CADM2: variants seen among roughly 807,000 people sequenced by gnomAD.
The protein encoded by CADM2 is immunoglobulin superfamily member 4D.
CADM2 carries 12 observed loss-of-function variants against 49.8 expected under a neutral mutation model. The observed-to-expected ratio is 0.24, with a 90% CI of 0.15 to 0.39. CADM2 has a LOEUF of 0.39. CADM2 is among the 10% of genes least tolerant of loss of function. CADM2 has a pLI of 1.00. For missense variants in CADM2, 378 were observed against 492.3 expected (o/e 0.77, Z 2.20); for synonymous variants, 214 against 175.4 (o/e 1.22, Z -1.74).
Position 85,309,354 on chromosome 3 carries a change from G to A in CADM2, c.61+349686G>A, listed in dbSNP as rs76013930. On this transcript the variant is annotated intron_variant, in intron 1 of 9. Transcript: ENST00000383699. ...GGGTAAAGTAGTGCCACTGGGATCC[G>A]GAGGCAGGTTGTTTGGATTCAAATT... Among the ~76,000 whole-genome samples the A allele has an allele frequency of 5.4e-3, 821 of 152,184 alleles. 4 individuals are homozygous for A. The highest frequency in any genetic ancestry group is 0.019 in the African/African-American group (774 of 41,546).
intron 1 of CADM2, among the ~76,000 whole-genome samples, chr3:85,435,802 G>C (rs143698090): frequency 6.6e-6 from 1 of 151,984 alleles, no homozygotes. Context: ...TTTTTTGGCC[G>C]CATAAATGTC....
At chr3:85,139,672 G>C (rs1267919674) in intron 1 of CADM2, among the ~76,000 whole-genome samples, 1 of 152,116 alleles carries the variant, frequency 6.6e-6, no homozygotes, top group African/African-American at 2.4e-5. Flanking sequence ...AAAAAGCCAT[G>C]TAATAGAATA....
intron 8 of CADM2, among the ~76,000 whole-genome samples, chr3:85,962,232 T>A (rs1341824476): frequency 2.6e-5 from 4 of 152,028 alleles, no homozygotes; most frequent in Non-Finnish European, 5.9e-5. Flanking sequence ...TGTCTTTAAA[T>A]TCTATAAATA....
intron 1 of CADM2, among the ~76,000 whole-genome samples, chr3:85,284,779 A>G (rs2043587049): frequency 6.6e-6 from 1 of 152,062 alleles, no homozygotes; most frequent in Non-Finnish European, 1.5e-5. Flanking sequence ...AGGACCTTGT[A>G]GGCTATATAA....
chr3:85,698,397 C>A (rs2066638046), intron 1 of CADM2, among the ~76,000 whole-genome samples: 1 of 152,104 alleles, frequency 6.6e-6, no homozygotes, highest in African/African-American at 2.4e-5. Flanking sequence ...TGTTAGTCCA[C>A]TTTTTTCATT....
chr3:85,869,313 T>G (rs2075832394), intron 3 of CADM2, among the ~76,000 whole-genome samples: 1 of 152,226 alleles, frequency 6.6e-6, no homozygotes. Flanking sequence ...AAATATGGAA[T>G]AAAACTTTTT....
At chr3:85,379,522 T>G (rs2033780776) in intron 1 of CADM2, among the ~76,000 whole-genome samples, 1 of 151,980 alleles carries the variant, frequency 6.6e-6, no homozygotes, top group Non-Finnish European at 1.5e-5. Flanking sequence ...TCTTTGACTT[T>G]CATGTTCAAC....
intron 1 of CADM2, among the ~76,000 whole-genome samples, chr3:85,701,949 AAGAT>A (rs1437624276): frequency 1.3e-5 from 2 of 151,034 alleles, no homozygotes; most frequent in Admixed American, 1.3e-4. Context: ...AGAAGAAATA[AAGAT>A]AGATGTAGAT....
chr3:85,685,695 C>G (rs2066187495), intron 1 of CADM2, among the ~76,000 whole-genome samples: 1 of 144,594 alleles, frequency 6.9e-6, no homozygotes, highest in South Asian at 2.2e-4. Flanking sequence ...GTGATCTCGG[C>G]TCACTGCAAC....
At chr3:85,621,839 G>T (rs987415046) in intron 1 of CADM2, among the ~76,000 whole-genome samples, 1 of 152,164 alleles carries the variant, frequency 6.6e-6, no homozygotes, top group African/African-American at 2.4e-5. Context: ...AGACTGATGT[G>T]CAGTGCCTAT....
At chr3:85,539,612 A>C (rs185507718) in intron 1 of CADM2, among the ~76,000 whole-genome samples, 3 of 152,126 alleles carry the variant, frequency 2.0e-5, no homozygotes, top group Non-Finnish European at 4.4e-5. Context: ...AATTTAATTA[A>C]ATCCTTATAA....
intron 8 of CADM2, among the ~76,000 whole-genome samples, chr3:86,017,732 A>G (rs1205244399): frequency 6.7e-6 from 1 of 150,342 alleles, no homozygotes; most frequent in East Asian, 1.9e-4. Context: ...TGTCTCCAAA[A>G]AAAAAAAAAG....
intron 1 of CADM2, among the ~76,000 whole-genome samples, chr3:85,650,223 G>T (rs1168468053): frequency 6.6e-6 from 1 of 152,162 alleles, no homozygotes; most frequent in African/African-American, 2.4e-5. Flanking sequence ...TCCTCCTGAA[G>T]TTGAGATATT....
intron 8 of CADM2, among the ~76,000 whole-genome samples, chr3:86,044,149 G>C (rs1241414232): frequency 6.6e-6 from 1 of 152,140 alleles, no homozygotes; most frequent in Non-Finnish European, 1.5e-5. Context: ...ACATAGGCAT[G>C]GGTAACGACT....
intron 1 of CADM2, among the ~76,000 whole-genome samples, chr3:85,300,017 G>C (rs376777913): frequency 2.4e-4 from 37 of 152,050 alleles, no homozygotes; most frequent in African/African-American, 8.7e-4. Context: ...TCTAAAAATT[G>C]TTATTATTTA....
intron 1 of CADM2, among the ~76,000 whole-genome samples, chr3:85,197,296 A>G (rs766239661): frequency 5.9e-5 from 9 of 151,920 alleles, no homozygotes; most frequent in South Asian, 2.1e-4. Context: ...GATCAATTCT[A>G]TGTGTTAATG....
chr3:85,259,734 A>G (rs552242758), intron 1 of CADM2, among the ~76,000 whole-genome samples: 1 of 152,264 alleles, frequency 6.6e-6, no homozygotes, highest in South Asian at 2.1e-4. Context: ...ATTTAGATAC[A>G]GAATTTCAAA....
intron 1 of CADM2, among the ~76,000 whole-genome samples, chr3:85,546,874 T>C (rs1209490567): frequency 6.6e-6 from 1 of 152,178 alleles, no homozygotes; most frequent in Non-Finnish European, 1.5e-5. Flanking sequence ...GCCAAGACTA[T>C]GCATATATAG....
Position 85,609,213 on chromosome 3 carries a change from C to T in CADM2, c.62-117309C>T, listed in dbSNP as rs749544423. Among the ~76,000 whole-genome samples, 35 of 152,082 alleles carry T rather than the reference C, an allele frequency of 2.3e-4. No homozygotes were observed. In the South Asian group the frequency reaches 3.3e-3, roughly 14 times the overall value. On this transcript the variant is annotated intron_variant, in intron 1 of 9. Transcript: ENST00000383699. ...TCTCATGAGTGTGAAGAATGATTCCCTAAGATTTGAGTTCTTGTACTCCGA... is the reference window on the plus strand; with the variant it reads ...TCTCATGAGTGTGAAGAATGATTCCTTAAGATTTGAGTTCTTGTACTCCGA...
Sources: gnomAD v4.1 joint callset for allele counts (sites outside exome capture counted in the v4.1 genomes callset) on GRCh38, gnomAD v4.1.1 for gene constraint, MANE v1.5 for transcripts, NCBI Gene and HGNC (gene_info 2026-07-23, HGNC 2026-07-21) for gene names.